Variants in CHRNA2 observed in about 807,000 individuals in gnomAD.
CHRNA2 encodes neuronal acetylcholine receptor subunit alpha-2.
In CHRNA2, 40 loss-of-function variants were observed where a neutral mutation model predicts 45.5. The ratio of observed to expected loss-of-function variants is 0.88; its 90% CI spans 0.68 to 1.15. CHRNA2 has a LOEUF of 1.15. Ranked by LOEUF, CHRNA2 falls within the 50% of genes most tolerant of loss-of-function variation. CHRNA2 has a pLI of 0.00. For missense variants in CHRNA2, 655 were observed against 701.7 expected (o/e 0.93, Z 0.75); for synonymous variants, 301 against 296.7 (o/e 1.01, Z -0.15).
At chr8:27,466,108 C>T (rs957533133) in intron 5 of CHRNA2, among the ~76,000 whole-genome samples, 1 of 152,094 alleles carries the variant, frequency 6.6e-6, no homozygotes, top group African/African-American at 2.4e-5. Flanking sequence ...GTTCATGAGT[C>T]CTGCAGCAGC....
At position 27,469,905 on chromosome 8, in the gene CHRNA2, C is replaced by A. The variant is rs758848783; in HGVS notation, c.150G>T (p.Pro50=). The stretch of plus-strand genomic sequence containing the variant: ...CAGTCTCGGTATGCGAGCCTCCCTG[C>A]GGCAATGCCGTGGGACTGGGAGAGG... ...PLSSPSPTAL[P]QGGSHTETED... Residue 50 remains proline (P), a synonymous_variant, in exon 3 of 7, where the codon CCG becomes CCT. Coordinates refer to ENST00000407991, the MANE Select transcript of CHRNA2 (RefSeq NM_000742.4). The A allele has an allele frequency of 4.3e-6, 7 of 1,614,026 alleles. No homozygotes were observed. The Admixed American group carries it at 5.0e-5, about 12-fold the overall frequency.
At chr8:27,478,068 TA>T (rs1813114714) in intron 1 of CHRNA2, among the ~76,000 whole-genome samples, 1 of 152,176 alleles carries the variant, frequency 6.6e-6, no homozygotes, top group Admixed American at 6.5e-5. Context: ...CTCCTCTTTT[TA>T]CTAACATTTC....
intron 3 of CHRNA2, 48 bp from the exon 4 acceptor site, chr8:27,469,427 C>A (rs1256624767): frequency 6.5e-7 from 1 of 1,540,020 alleles, no homozygotes. Flanking sequence ...GGGCCCAGCC[C>A]CAGAAGACAG....
At chr8:27,468,990 G>A (rs1812784969) in intron 4 of CHRNA2, among the ~76,000 whole-genome samples, 3 of 152,164 alleles carry the variant, frequency 2.0e-5, no homozygotes, top group Admixed American at 1.3e-4. Context: ...TCTCTGCTTC[G>A]TGATCTCCTG....
At position 27,463,809 on chromosome 8, in the gene CHRNA2, C is replaced by T. The variant is rs760660239; in HGVS notation, c.634G>A (p.Asp212Asn). ...ACAGTCTGCTCCATCTGCTCCAGGT[C>T]GATCTTGGCCTTGTCATAAGTCCAG... ...GSWTYDKAKI[D>N]LEQMEQTVDL... The change falls in exon 6 of 7, where the codon GAC becomes AAC. Residue 212 changes from aspartate (D) to asparagine (N), a missense_variant. Physicochemically the swap from Asp to Asn is conservative, Grantham distance 23. Transcript: ENST00000407991. The surrounding 1 kb of genome is among the most constrained non-coding windows in gnomAD (Gnocchi z 6.1). 1.1e-5 allele frequency: 18 copies of T among 1,614,004 alleles called. No individual in the cohort carries two copies. The South Asian group carries it at 1.4e-4, about 13-fold the overall frequency.
intron 1 of CHRNA2, among the ~76,000 whole-genome samples, chr8:27,475,835 G>A (rs1399099970): frequency 2.0e-5 from 3 of 152,200 alleles, no homozygotes; most frequent in Admixed American, 2.0e-4. Flanking sequence ...GGGACTTTCA[G>A]AGAAAAGTGG....
rs760687186 is a variant in CHRNA2 at position 27,460,961 on chromosome 8, G to C, written c.*668C>G. On this transcript the variant is annotated 3_prime_UTR_variant, in exon 7 of 7. Coordinates refer to ENST00000407991, the MANE Select transcript of CHRNA2 (RefSeq NM_000742.4). Reference sequence around the variant, plus strand: ...GTATCCAACCATCCATCCCTCCCCGGTAGGGAAGATCTGCCCTGTACCTCC... The same window carrying C: ...GTATCCAACCATCCATCCCTCCCCGCTAGGGAAGATCTGCCCTGTACCTCC... 3.3e-5 allele frequency: 5 copies of C among 152,764 alleles called. No homozygotes were observed. The highest frequency in any genetic ancestry group is 7.3e-5 in the Non-Finnish European group (5 of 68,480). The allele number at this position is 152,764 out of a possible 1,614,324, so 9.5% of individuals were successfully genotyped here.
At chr8:27,465,121 C>G (rs1812657560) in intron 5 of CHRNA2, among the ~76,000 whole-genome samples, 1 of 152,092 alleles carries the variant, frequency 6.6e-6, no homozygotes, top group South Asian at 2.1e-4. Flanking sequence ...TCAGGGGTAT[C>G]GTGGGACTAG....
At chr8:27,474,914 C>A (rs1241380769) in intron 1 of CHRNA2, among the ~76,000 whole-genome samples, 1 of 152,198 alleles carries the variant, frequency 6.6e-6, no homozygotes, top group South Asian at 2.1e-4. Flanking sequence ...CAGGGGACTT[C>A]CCCAAAGCAG....
rs1287354296 is a variant in CHRNA2, at chr8:27,467,355, A to T, written c.340-17T>A. 2 of 1,588,240 alleles carry T rather than the reference A, an allele frequency of 1.3e-6. No individual in the cohort carries two copies. The highest frequency in any genetic ancestry group is 1.4e-5 in the African/African-American group (1 of 73,982). ...GCTCCACTCCTGTGTGTGGGGAAGG[A>T]GTTGTGTCAACCTCGCTTCCAGGGA... On this transcript the variant is annotated splice_polypyrimidine_tract_variant and intron_variant, in intron 4 of 6. Coordinates refer to ENST00000407991, the MANE Select transcript of CHRNA2 (RefSeq NM_000742.4).
At chr8:27,473,320 C>G (rs1812948909) in intron 1 of CHRNA2, among the ~76,000 whole-genome samples, 1 of 152,130 alleles carries the variant, frequency 6.6e-6, no homozygotes, top group Admixed American at 6.6e-5. Flanking sequence ...TCGAATTGTA[C>G]TAAATGCCAA....
intron 5 of CHRNA2, 115 bp from the exon 6 acceptor site, chr8:27,464,108 G>T: frequency 8.2e-7 from 1 of 1,218,262 alleles, no homozygotes. Context: ...CGGCCACACT[G>T]GCGGGGTTTA....
intron 4 of CHRNA2, among the ~76,000 whole-genome samples, chr8:27,468,010 A>G (rs905745274): frequency 4.6e-5 from 7 of 152,192 alleles, no homozygotes; most frequent in Non-Finnish European, 8.8e-5. Flanking sequence ...TCAAGTTTTC[A>G]GGTCCAACCA....
chr8:27,473,334 C>T (rs1038650455), intron 1 of CHRNA2, among the ~76,000 whole-genome samples: 18 of 152,162 alleles, frequency 1.2e-4, no homozygotes, highest in Middle Eastern at 3.4e-3. Context: ...ATGCCAATAA[C>T]GATCAATTTT....
intron 4 of CHRNA2, among the ~76,000 whole-genome samples, chr8:27,468,222 C>A (rs1288660770): frequency 2.6e-5 from 4 of 152,238 alleles, no homozygotes; most frequent in African/African-American, 9.6e-5. Context: ...CACCCCAACC[C>A]TGAAGCCCAG....
At chr8:27,472,735 G>C (rs1812928889) in intron 1 of CHRNA2, among the ~76,000 whole-genome samples, 1 of 152,204 alleles carries the variant, frequency 6.6e-6, no homozygotes, top group Non-Finnish European at 1.5e-5. Context: ...ACGGTGTGAT[G>C]TTACACAGAT....
chr8:27,465,552 C>A (rs926155779), intron 5 of CHRNA2, among the ~76,000 whole-genome samples: 11 of 152,006 alleles, frequency 7.2e-5, no homozygotes, highest in Admixed American at 6.5e-4. Flanking sequence ...CTGCCTCAGC[C>A]TCCCAAGTAG....
Position 27,478,808 on chromosome 8 carries a change from T to C in CHRNA2, c.-137+16A>G, listed in dbSNP as rs1813138473. 6.6e-6 allele frequency: 1 copy of C among 152,106 alleles called. No homozygotes were observed. The highest frequency in any genetic ancestry group is 1.5e-5 in the Non-Finnish European group (1 of 68,030). 9.4% of individuals were successfully genotyped at this position (152,106 alleles called of 1,614,324 possible). A position where few individuals can be genotyped will look rare whatever the true frequency, so the allele number is the denominator to read the frequency against. ...TGCATGCCGCCCTCAACATAAGCCT[T>C]GGGTACCTTTCTTACCTGTGGTTAC... On this transcript the variant is annotated intron_variant, in intron 1 of 6. Transcript: ENST00000407991.
At chr8:27,469,021 G>T (rs888296977) in intron 4 of CHRNA2, among the ~76,000 whole-genome samples, 1 of 152,200 alleles carries the variant, frequency 6.6e-6, no homozygotes, top group South Asian at 2.1e-4. Context: ...TGGGCAGAAT[G>T]AACCCCCCGT....
Sources: gnomAD v4.1 joint callset for allele counts (sites outside exome capture counted in the v4.1 genomes callset) on GRCh38, gnomAD v4.1.1 for gene constraint, Gnocchi (gnomAD v3.1) non-coding constraint, MANE v1.5 for transcripts, NCBI Gene and HGNC (gene_info 2026-07-23, HGNC 2026-07-21) for gene names.